Variants in HIVEP1 observed in about 807,000 individuals in gnomAD.
The protein encoded by HIVEP1 is HIVEP zinc finger 1, also known as zinc finger protein 40.
HIVEP1 carries 36 observed loss-of-function variants against 180.0 expected under a neutral mutation model. The ratio of observed to expected loss-of-function variants is 0.20; its 90% CI spans 0.15 to 0.26. HIVEP1 has a LOEUF of 0.26. Among genes scored for constraint, HIVEP1 ranks in the 10% least tolerant of loss-of-function variants. The probability of loss-of-function intolerance (pLI) is 1.00; values close to 1 mark genes in which losing one functional copy is unlikely to be tolerated. For synonymous variants in HIVEP1, 1,239 were observed against 1,239.0 expected (o/e 1.00, Z 0.00); for missense variants, 3,143 against 3,268.7 (o/e 0.96, Z 0.94).
At position 12,019,479 on chromosome 6, in the gene HIVEP1, G is replaced by A. The variant is rs369107069; in HGVS notation, c.40+3811G>A. On this transcript the variant is annotated intron_variant, in intron 2 of 8. Coordinates refer to ENST00000379388, the MANE Select transcript of HIVEP1 (RefSeq NM_002114.4). Reference sequence around the variant, plus strand: ...GATCCACTGCTTTGCTTTACTAGAAGACATCTCTAATGCGATGAGATAAGA... The same window carrying A: ...GATCCACTGCTTTGCTTTACTAGAAAACATCTCTAATGCGATGAGATAAGA... Among the ~76,000 whole-genome samples the A allele has an allele frequency of 1.1e-4, 16 of 152,310 alleles. No individual in the cohort carries two copies. The East Asian group carries it at 1.7e-3, about 17-fold the overall frequency.
intron 2 of HIVEP1, among the ~76,000 whole-genome samples, chr6:12,060,052 A>G (rs7756515): frequency 0.018 from 2,788 of 152,316 alleles, 83 homozygotes; most frequent in African/African-American, 0.064. Flanking sequence ...TTTGGAGAAT[A>G]TTAAACCCAC....
intron 2 of HIVEP1, among the ~76,000 whole-genome samples, chr6:12,049,728 C>T (rs896105688): frequency 6.6e-6 from 1 of 152,094 alleles, no homozygotes; most frequent in Non-Finnish European, 1.5e-5. Flanking sequence ...TGTGGATTTC[C>T]ACTAATAAGC....
At chr6:12,030,220 G>A (rs1768849147) in intron 2 of HIVEP1, among the ~76,000 whole-genome samples, 1 of 151,876 alleles carries the variant, frequency 6.6e-6, no homozygotes, top group African/African-American at 2.4e-5. Context: ...CTTTCCATTT[G>A]TTTCTCATCT....
chr6:12,088,795 T>C (rs181965130), intron 2 of HIVEP1, among the ~76,000 whole-genome samples: 2 of 152,318 alleles, frequency 1.3e-5, no homozygotes, highest in East Asian at 3.9e-4. Context: ...TTAGCTTTGC[T>C]TAATCTGGTT....
chr6:12,053,783 G>A (rs144299151), intron 2 of HIVEP1, among the ~76,000 whole-genome samples: 1 of 152,320 alleles, frequency 6.6e-6, no homozygotes, highest in East Asian at 1.9e-4. Context: ...AAATTGACAA[G>A]AGAACCCTAG....
chr6:12,122,803 C>G lies in HIVEP1; in HGVS notation c.3008C>G (p.Pro1003Arg). The G allele has an allele frequency of 6.2e-7, 1 of 1,613,482 alleles. No homozygotes were observed. The highest frequency in any genetic ancestry group is 8.5e-7 in the Non-Finnish European group (1 of 1,179,840). Residue 1003 changes from proline (P) to arginine (R), a missense_variant, in exon 4 of 9, where the codon CCC becomes CGC. This residue lies in a region of HIVEP1 where 1,357 missense variants were observed against 1,260.5 expected (regional missense o/e 1.08). Transcript: ENST00000379388. ...AGAGAACCTGAGCACAGCCCTGTGC[C>G]CGGCGGTCTGCAGCCTCAGATTCTA... ...AMREPEHSPV[P>R]GGLQPQILHY...
chr6:12,128,654 C>T (rs1758237143), intron 4 of HIVEP1, among the ~76,000 whole-genome samples: 1 of 151,908 alleles, frequency 6.6e-6, no homozygotes, highest in African/African-American at 2.4e-5. Context: ...CTCACAGGGA[C>T]CTGAGAGAAT....
chr6:12,102,875 G>A (rs1774194877), intron 3 of HIVEP1, among the ~76,000 whole-genome samples: 1 of 152,004 alleles, frequency 6.6e-6, no homozygotes, highest in Non-Finnish European at 1.5e-5. Flanking sequence ...CAGTTCTTAA[G>A]TACATACTTA....
chr6:12,124,169 T>G lies in HIVEP1; in HGVS notation c.4374T>G (p.Ser1458Arg), dbSNP rs747913471. Reference protein sequence around the residue: ...PTSFQNTALPSVNAVPYQGPQ... With the variant: ...PTSFQNTALPRVNAVPYQGPQ... ...CTTTCCAAAATACTGCTCTTCCCAGTGTGAATGCAGTGCCATATCAGGGGC... is the reference window on the plus strand; with the variant it reads ...CTTTCCAAAATACTGCTCTTCCCAGGGTGAATGCAGTGCCATATCAGGGGC... The change falls in exon 4 of 9, where the codon AGT (serine) becomes AGG (arginine). Residue 1458 changes from serine to arginine, a missense_variant. Coordinates refer to ENST00000379388, the MANE Select transcript of HIVEP1 (RefSeq NM_002114.4). 6.2e-7 allele frequency: 1 copy of G among 1,614,056 alleles called. No homozygotes were observed. The highest frequency in any genetic ancestry group is 1.7e-5 in the Admixed American group (1 of 60,028).
In HIVEP1 at chr6:12,064,301, G is replaced by A. The variant is rs908372610; in HGVS notation, c.41-24883G>A. ...CTAAAGTATTCCAGACTCTTTCTGT[G>A]TTACAACAGTCAGGGAAACCAGATG... On this transcript the variant is annotated intron_variant, in intron 2 of 8. Coordinates refer to ENST00000379388, the MANE Select transcript of HIVEP1 (RefSeq NM_002114.4). 7.9e-5 allele frequency among the ~76,000 whole-genome samples: 12 copies of A among 152,108 alleles called. 1 individual carries two copies. The highest frequency in any genetic ancestry group is 7.2e-4 in the Admixed American group (11 of 15,266).
chr6:12,116,731 G>T lies in HIVEP1; in HGVS notation c.95-3159G>T, dbSNP rs564934661. 2.0e-5 allele frequency among the ~76,000 whole-genome samples: 3 copies of T among 152,272 alleles called. No homozygotes were observed. The South Asian group carries it at 6.2e-4, about 32-fold the overall frequency. ...CACAACTCAAAAAAGACTGTCAGGA[G>T]TATGTTCTCAGCTGAGTGCTGAGTG... On this transcript the variant is annotated intron_variant, in intron 3 of 8. Coordinates refer to ENST00000379388, the MANE Select transcript of HIVEP1 (RefSeq NM_002114.4).
chr6:12,037,646 T>C, intron 2 of HIVEP1: 1 of 395,714 alleles, frequency 2.5e-6, no homozygotes, highest in Non-Finnish European at 4.5e-6. Flanking sequence ...TTTTCCTGTT[T>C]TCTTTTTAAA....
At chr6:12,069,469 T>A (rs934738449) in intron 2 of HIVEP1, among the ~76,000 whole-genome samples, 2 of 150,754 alleles carry the variant, frequency 1.3e-5, no homozygotes, top group African/African-American at 4.9e-5. Flanking sequence ...ACTCAATTTT[T>A]TAAAAAATTG....
At chr6:12,017,571 C>T (rs1019080404) in intron 2 of HIVEP1, among the ~76,000 whole-genome samples, 7 of 152,158 alleles carry the variant, frequency 4.6e-5, no homozygotes, top group South Asian at 2.1e-4. Flanking sequence ...TTTATTCTCC[C>T]GTCTGGCCCC....
At chr6:12,166,096 G>C (rs1266143465), downstream of HIVEP1, among the ~76,000 whole-genome samples, 1 of 152,130 alleles carries the variant, frequency 6.6e-6, no homozygotes, top group East Asian at 1.9e-4. Context: ...GGAAATATCT[G>C]CTCTAGGGAT....
chr6:12,169,885 C>T (rs1760851215), downstream of HIVEP1, among the ~76,000 whole-genome samples: 2 of 151,964 alleles, frequency 1.3e-5, no homozygotes, highest in African/African-American at 4.8e-5. Flanking sequence ...CTTCGGGAGG[C>T]CAAGGTGGGC....
intron 6 of HIVEP1, 27 bp from the exon 7 acceptor site, chr6:12,135,764 G>C (rs1425493967): frequency 7.0e-7 from 1 of 1,436,546 alleles, no homozygotes; most frequent in Non-Finnish European, 9.8e-7. Flanking sequence ...TACTACTTAA[G>C]CTTAGTAAAC....
intron 2 of HIVEP1, among the ~76,000 whole-genome samples, chr6:12,065,984 A>G (rs1021478074): frequency 2.6e-5 from 4 of 152,106 alleles, no homozygotes; most frequent in Admixed American, 2.6e-4. Flanking sequence ...GGCTGTGAGT[A>G]AGGAGAATGA....
chr6:12,020,936 G>T (rs1228937522), intron 2 of HIVEP1, among the ~76,000 whole-genome samples: 1 of 127,660 alleles, frequency 7.8e-6, no homozygotes, highest in Non-Finnish European at 1.6e-5. Flanking sequence ...TGTCACCCAG[G>T]CTGGAGTGCA....
Sources: allele counts gnomAD v4.1 joint callset (sites outside exome capture counted in the v4.1 genomes callset), GRCh38; gene constraint gnomAD v4.1.1; regional missense constraint gnomAD v4.1.1; transcripts MANE v1.5; gene names NCBI Gene and HGNC (gene_info 2026-07-23, HGNC 2026-07-21).